The following ERBIN variants were observed in gnomAD, a reference collection of about 807,000 sequenced individuals.
The protein encoded by ERBIN is densin-180-like protein.
In ERBIN, 60 loss-of-function variants were observed where a neutral mutation model predicts 158.4. The ratio of observed to expected loss-of-function variants is 0.38; its 90% CI spans 0.31 to 0.47. The LOEUF (loss-of-function observed/expected upper bound fraction) is 0.47, where lower values mean the gene tolerates loss of function less well. Among genes scored for constraint, ERBIN ranks in the 20% least tolerant of loss-of-function variants. The probability of loss-of-function intolerance (pLI) is 0.99; values close to 1 mark genes in which losing one functional copy is unlikely to be tolerated. For missense variants in ERBIN, 1,610 were observed against 1,648.0 expected (o/e 0.98, Z 0.40); for synonymous variants, 594 against 557.2 (o/e 1.07, Z -0.93).
At chr5:65,994,644 G>T in intron 3 of ERBIN, 103 bp from the exon 4 acceptor site, 1 of 637,536 alleles carries the variant, frequency 1.6e-6, no homozygotes, top group South Asian at 2.1e-5. Flanking sequence ...TATTAGTGTA[G>T]GTTATAACTC....
chr5:65,996,244 GTTT>G (rs34947686), intron 4 of ERBIN, among the ~76,000 whole-genome samples: 1,832 of 101,162 alleles, frequency 0.018, 19 homozygotes, highest in Non-Finnish European at 0.023. Context: ...TTTCCTAGTA[GTTT>G]TTTTTTTTTT....
chr5:65,999,054 A>G (rs1752749286), intron 4 of ERBIN, among the ~76,000 whole-genome samples: 1 of 152,100 alleles, frequency 6.6e-6, no homozygotes, highest in African/African-American at 2.4e-5. Flanking sequence ...AAAAAGATAT[A>G]TGCATATCAT....
At position 66,074,072 on chromosome 5, in the gene ERBIN, T is replaced by TA. The variant is rs1554069709; in HGVS notation, c.3757-951dup. 1.3e-4 allele frequency among the ~76,000 whole-genome samples: 18 copies of TA among 139,480 alleles called. No individual in the cohort carries two copies. The East Asian group carries it at 2.0e-3, about 15-fold the overall frequency. The allele number at this position is 139,480 out of a possible 152,430, so 91.5% of individuals were successfully genotyped here. ...TTTTTTTTTTTTTTTTTTTTTTTTTTAGAGATGGGGTCTTGCTGTTTTGCC... is the reference window on the plus strand; with the variant it reads ...TTTTTTTTTTTTTTTTTTTTTTTTTTAAGAGATGGGGTCTTGCTGTTTTGCC... On this transcript the variant is annotated intron_variant, in intron 22 of 25. Coordinates refer to ENST00000284037, the MANE Select transcript of ERBIN (RefSeq NM_001253697.2).
At chr5:65,976,597 A>T (rs577648263) in intron 1 of ERBIN, among the ~76,000 whole-genome samples, 1 of 150,444 alleles carries the variant, frequency 6.6e-6, no homozygotes, top group Non-Finnish European at 1.5e-5. Context: ...GACAATAGTG[A>T]AGGGAAGGTC....
At chr5:65,938,066 T>G (rs1424258811) in intron 1 of ERBIN, among the ~76,000 whole-genome samples, 1 of 152,202 alleles carries the variant, frequency 6.6e-6, no homozygotes, top group African/African-American at 2.4e-5. Flanking sequence ...TTAGTGGCAT[T>G]TATGATTTTC....
At chr5:65,933,550 A>T (rs1743703843) in intron 1 of ERBIN, among the ~76,000 whole-genome samples, 1 of 152,136 alleles carries the variant, frequency 6.6e-6, no homozygotes, top group African/African-American at 2.4e-5. Context: ...ACAGTGTTTT[A>T]CTATGGTTTT....
At chr5:66,033,477 G>A (rs1757096092) in intron 14 of ERBIN, among the ~76,000 whole-genome samples, 1 of 152,160 alleles carries the variant, frequency 6.6e-6, no homozygotes, top group Non-Finnish European at 1.5e-5. Flanking sequence ...GAGTGAAGAA[G>A]GAAGAGTTAA....
intron 6 of ERBIN, among the ~76,000 whole-genome samples, chr5:66,013,893 C>A (rs1754453376): frequency 6.6e-6 from 1 of 152,082 alleles, no homozygotes; most frequent in Admixed American, 6.6e-5. Context: ...GGGTTAATTT[C>A]TGTATGCTTG....
At chr5:66,028,811 G>A (rs757890184) in intron 14 of ERBIN, among the ~76,000 whole-genome samples, 9 of 152,020 alleles carry the variant, frequency 5.9e-5, no homozygotes, top group Non-Finnish European at 1.0e-4. Flanking sequence ...AGCCCACCCC[G>A]CCAGCCCCAG....
chr5:66,063,528 G>C (rs935146288), intron 21 of ERBIN, among the ~76,000 whole-genome samples: 1 of 152,082 alleles, frequency 6.6e-6, no homozygotes, highest in Non-Finnish European at 1.5e-5. Flanking sequence ...CTCAGGCATG[G>C]TGTGCTGCAC....
chr5:66,065,564 T>C (rs1760885293), intron 21 of ERBIN, among the ~76,000 whole-genome samples: 1 of 149,690 alleles, frequency 6.7e-6, no homozygotes, highest in Admixed American at 6.7e-5. Flanking sequence ...TCCGAGTGAT[T>C]TCAGAGATTT....
intron 1 of ERBIN, among the ~76,000 whole-genome samples, chr5:65,986,535 G>A (rs1751257912): frequency 6.6e-6 from 1 of 152,204 alleles, no homozygotes; most frequent in South Asian, 2.1e-4. Flanking sequence ...GCGACAAATA[G>A]TTTGATGTAT....
Position 66,025,995 on chromosome 5 carries a change from T to G in ERBIN, c.1020+18T>G, listed in dbSNP as rs763151723. On this transcript the variant is annotated intron_variant, in intron 12 of 25. Coordinates refer to ENST00000284037, the MANE Select transcript of ERBIN (RefSeq NM_001253697.2). ...CCCCAGAGGTAATGTATTTTAGATT[T>G]GTTTAGATTTTTGTCTTTTCATTTT... The G allele has an allele frequency of 6.8e-5, 106 of 1,564,282 alleles. No individual in the cohort carries two copies. Among genetic ancestry groups the G allele is most frequent in the Non-Finnish European group, 8.4e-5 (98 of 1,162,576 alleles).
Position 65,995,373 on chromosome 5 carries a change from A to AT in ERBIN, c.307+525dup, listed in dbSNP as rs35797173. On this transcript the variant is annotated intron_variant, in intron 4 of 25. Transcript: ENST00000284037. ...CCATATGTAAGTGAGCTTATGTGGT[A>AT]TTTTTTTTTTTTTTTTCTGTTCCTG... is the stretch of plus-strand genomic sequence containing the variant. Among the ~76,000 whole-genome samples the AT allele has an allele frequency of 5.0e-4, 72 of 144,676 alleles. No individual in the cohort carries two copies. In the East Asian group the frequency reaches 5.3e-3, roughly 11 times the overall value. 94.9% of individuals were successfully genotyped at this position (144,676 alleles called of 152,430 possible). A position where few individuals can be genotyped will look rare whatever the true frequency, so the allele number is the denominator to read the frequency against.
At chr5:65,976,766 G>A (rs1749927422) in intron 1 of ERBIN, among the ~76,000 whole-genome samples, 1 of 151,496 alleles carries the variant, frequency 6.6e-6, no homozygotes, top group South Asian at 2.1e-4. Context: ...AGCACATCTT[G>A]CACCGCCCTT....
In ERBIN at chr5:66,080,925, A is replaced by G. The variant is rs1762357502; in HGVS notation, c.*2395A>G. The G allele has an allele frequency of 6.6e-6, 1 of 152,082 alleles. No homozygotes were observed. Among genetic ancestry groups the G allele is most frequent in the Non-Finnish European group, 1.5e-5 (1 of 67,916 alleles). The allele number at this position is 152,082 out of a possible 1,614,324, so 9.4% of individuals were successfully genotyped here. ...GTATTATAGCCAAGTTTTCTTTGAA[A>G]GTATTGGAAAACTAAAATTAAATGA... On this transcript the variant is annotated 3_prime_UTR_variant, in exon 26 of 26. Coordinates refer to ENST00000284037, the MANE Select transcript of ERBIN (RefSeq NM_001253697.2).
At chr5:66,003,403 T>C (rs558142318) in intron 4 of ERBIN, among the ~76,000 whole-genome samples, 24 of 152,096 alleles carry the variant, frequency 1.6e-4, no homozygotes, top group Admixed American at 4.6e-4. Flanking sequence ...ATTGGGAAGG[T>C]TTCAGAAAAT....
Position 66,054,206 on chromosome 5 carries a change from G to A in ERBIN, c.2888G>A (p.Ser963Asn). 1 of 1,614,034 alleles carries A rather than the reference G, an allele frequency of 6.2e-7. No homozygotes were observed. Among genetic ancestry groups the A allele is most frequent in the Non-Finnish European group, 8.5e-7 (1 of 1,180,002 alleles). The change falls in exon 21 of 26, where the codon AGT becomes AAT. Residue 963 changes from serine to asparagine, a missense_variant. Around this residue, in one of 2 missense-constraint regions of ERBIN, gnomAD observed 1,014 missense variants for 936.1 expected, o/e 1.08. Transcript: ENST00000284037. ...EEPNIIRGPT[S>N]GPQSAPQIYG... ...CCAAATATAATAAGAGGCCCCACAA[G>A]TGGCCCACAATCTGCACCTCAAATA...
At chr5:65,964,684 C>G (rs1421833217) in intron 1 of ERBIN, among the ~76,000 whole-genome samples, 1 of 150,878 alleles carries the variant, frequency 6.6e-6, no homozygotes, top group Non-Finnish European at 1.5e-5. Flanking sequence ...GTACTGCAGA[C>G]ATTTGCACTA....
Sources: gnomAD v4.1 joint callset for allele counts (sites outside exome capture counted in the v4.1 genomes callset) on GRCh38, gnomAD v4.1.1 for gene constraint, gnomAD v4.1.1 regional missense constraint, MANE v1.5 for transcripts, NCBI Gene and HGNC (gene_info 2026-07-23, HGNC 2026-07-21) for gene names.